Variants in DSE observed in about 807,000 individuals in gnomAD.
The protein encoded by DSE is dermatan sulfate epimerase.
A neutral mutation model predicts 84.4 loss-of-function variants in DSE; 36 were observed. The observed-to-expected ratio is 0.43, with a 90% CI of 0.33 to 0.56. The LOEUF (loss-of-function observed/expected upper bound fraction) is 0.56, where lower values mean the gene tolerates loss of function less well. DSE is among the 20% of genes least tolerant of loss of function. DSE has a pLI of 0.06. For synonymous variants in DSE, 410 were observed against 430.1 expected, an observed-to-expected ratio of 0.95 and a Z score of 0.58; for missense variants, 862 against 1,169.6, an observed-to-expected ratio of 0.74 and a Z score of 3.84.
chr6:116,409,226 G>A (rs372426343), intron 2 of DSE, among the ~76,000 whole-genome samples: 9 of 152,054 alleles, frequency 5.9e-5, no homozygotes, highest in East Asian at 5.8e-4. Context: ...TTCATTTATC[G>A]ATAAATGTAT....
chr6:116,327,955 G>C (rs535057409), intron 2 of DSE, among the ~76,000 whole-genome samples: 1 of 152,166 alleles, frequency 6.6e-6, no homozygotes, highest in East Asian at 1.9e-4. Context: ...ACAGAGGCCA[G>C]AGGAGCACAT....
intron 2 of DSE, chr6:116,278,721 G>A (rs1303687075): frequency 6.2e-6 from 10 of 1,614,172 alleles, no homozygotes; most frequent in South Asian, 5.5e-5. Context: ...TGAGGTCTTG[G>A]TTTCTGCGAA....
intron 2 of DSE, among the ~76,000 whole-genome samples, chr6:116,276,240 A>G (rs73767709): frequency 6.6e-6 from 1 of 152,204 alleles, no homozygotes; most frequent in African/African-American, 2.4e-5. Flanking sequence ...GTTTTTACAG[A>G]TGAGAAAGTA....
Position 116,440,456 on chromosome 6 carries a change from C to A in DSE, c.*3111C>A, listed in dbSNP as rs1181735413. ...GGGATTAGAGGCATAGGTCATCATG[C>A]CCGGCCAAGTTAAAAAAATTTTTGA... On this transcript the variant is annotated 3_prime_UTR_variant, in exon 6 of 6. Coordinates refer to ENST00000644252, the MANE Select transcript of DSE (RefSeq NM_013352.4). 1 of 152,056 alleles carries A rather than the reference C, an allele frequency of 6.6e-6. No homozygotes were observed. The highest frequency in any genetic ancestry group is 2.1e-4 in the South Asian group (1 of 4,818). The allele number at this position is 152,056 out of a possible 1,614,324, so 9.4% of individuals were successfully genotyped here.
At chr6:116,281,688 G>C (rs1562201032) in intron 2 of DSE, among the ~76,000 whole-genome samples, 1 of 152,216 alleles carries the variant, frequency 6.6e-6, no homozygotes, top group Non-Finnish European at 1.5e-5. Flanking sequence ...GTTTCCCTCT[G>C]TTTATCGAGT....
At chr6:116,311,430 T>C (rs1775689659) in intron 2 of DSE, among the ~76,000 whole-genome samples, 1 of 152,220 alleles carries the variant, frequency 6.6e-6, no homozygotes, top group South Asian at 2.1e-4. Context: ...ATGAGTTGTT[T>C]CCAGTTCTGA....
intron 2 of DSE, among the ~76,000 whole-genome samples, chr6:116,315,414 A>T (rs1213238678): frequency 2.0e-5 from 3 of 151,982 alleles, no homozygotes; most frequent in African/African-American, 7.2e-5. Context: ...TAAATGTCAT[A>T]AGGGCAGGAA....
intron 2 of DSE, among the ~76,000 whole-genome samples, chr6:116,345,156 C>T (rs914757096): frequency 6.6e-6 from 1 of 152,164 alleles, no homozygotes; most frequent in Non-Finnish European, 1.5e-5. Context: ...TAGACTCCCA[C>T]ACAATAATAA....
At chr6:116,340,970 G>A (rs917542240) in intron 2 of DSE, among the ~76,000 whole-genome samples, 36 of 152,326 alleles carry the variant, frequency 2.4e-4, no homozygotes, top group African/African-American at 8.2e-4. Context: ...TGTCTTTATA[G>A]TAGCATGATT....
intron 1 of DSE, among the ~76,000 whole-genome samples, chr6:116,257,794 C>T (rs369762955): frequency 6.6e-5 from 10 of 152,120 alleles, no homozygotes; most frequent in Admixed American, 3.9e-4. Flanking sequence ...TATAGGGCAC[C>T]GATTGCCCCC....
At chr6:116,304,134 A>G (rs369922596) in intron 2 of DSE, among the ~76,000 whole-genome samples, 12 of 151,950 alleles carry the variant, frequency 7.9e-5, no homozygotes, top group Non-Finnish European at 1.2e-4. Flanking sequence ...AAAAAAAAAA[A>G]AAAGAAAGAA....
At chr6:116,280,459 T>C (rs1773456451) in intron 2 of DSE, among the ~76,000 whole-genome samples, 1 of 152,242 alleles carries the variant, frequency 6.6e-6, no homozygotes, top group South Asian at 2.1e-4. Context: ...TAATTTTCGA[T>C]TTATAATCTG....
At chr6:116,430,102 A>C (rs1481681838) in intron 3 of DSE, among the ~76,000 whole-genome samples, 1 of 152,200 alleles carries the variant, frequency 6.6e-6, no homozygotes, top group Non-Finnish European at 1.5e-5. Context: ...CAGATGGAAG[A>C]ATTGCTTGGA....
At chr6:116,380,807 A>G (rs1780175408) in intron 1 of DSE, among the ~76,000 whole-genome samples, 1 of 152,208 alleles carries the variant, frequency 6.6e-6, no homozygotes, top group Non-Finnish European at 1.5e-5. Context: ...ACAGGAAGAT[A>G]ACATGTATAT....
At chr6:116,366,735 G>T (rs927108569), upstream of DSE, 7 of 152,194 alleles carry the variant, frequency 4.6e-5, no homozygotes, top group African/African-American at 1.7e-4. Context: ...AAGGATCCTA[G>T]ATTTTATGTC....
At chr6:116,332,453 A>G (rs1213620355) in intron 2 of DSE, among the ~76,000 whole-genome samples, 1 of 152,100 alleles carries the variant, frequency 6.6e-6, no homozygotes, top group Non-Finnish European at 1.5e-5. Flanking sequence ...TGAAAAAAAA[A>G]TTAAGAGAAA....
At chr6:116,374,856 G>T (rs770193787) in intron 1 of DSE, among the ~76,000 whole-genome samples, 1 of 152,088 alleles carries the variant, frequency 6.6e-6, no homozygotes, top group African/African-American at 2.4e-5. Context: ...TGACCCAATC[G>T]CCTCTAGGTC....
intron 2 of DSE, among the ~76,000 whole-genome samples, chr6:116,360,582 A>T (rs1778833167): frequency 6.6e-6 from 1 of 152,068 alleles, no homozygotes; most frequent in Admixed American, 6.5e-5. Flanking sequence ...TTTAGTGTTA[A>T]CTCTCAGTCC....
At chr6:116,288,528 G>T (rs1490505732) in intron 2 of DSE, 3 of 152,018 alleles carry the variant, frequency 2.0e-5, no homozygotes, top group Admixed American at 6.6e-5. Context: ...GAAGTGGGGC[G>T]TGAGGACATA....
Sources: gnomAD v4.1 joint callset for allele counts (sites outside exome capture counted in the v4.1 genomes callset) on GRCh38, gnomAD v4.1.1 for gene constraint, MANE v1.5 for transcripts, NCBI Gene and HGNC (gene_info 2026-07-23, HGNC 2026-07-21) for gene names.